LRRC37A2: variants seen among roughly 807,000 people sequenced by gnomAD.
LRRC37A2 encodes leucine-rich repeat-containing protein 37A2.
A neutral mutation model predicts 68.8 loss-of-function variants in LRRC37A2; 9 were observed. The ratio of observed to expected loss-of-function variants is 0.13; its 90% CI spans 0.08 to 0.23. The LOEUF (loss-of-function observed/expected upper bound fraction) is 0.23, where lower values mean the gene tolerates loss of function less well. Among genes scored for constraint, LRRC37A2 ranks in the 10% least tolerant of loss-of-function variants. The probability of loss-of-function intolerance (pLI) is 1.00; values close to 1 mark genes in which losing one functional copy is unlikely to be tolerated. For synonymous variants in LRRC37A2, 63 were observed against 367.6 expected, an observed-to-expected ratio of 0.17 and a Z score of 9.48; for missense variants, 168 against 950.4, an observed-to-expected ratio of 0.18 and a Z score of 10.82.
At chr17:46,842,115 C>G in the LRRC37A2 span, among the ~76,000 whole-genome samples, 2 of 152,334 alleles carry the variant, frequency 1.3e-5, no homozygotes, top group South Asian at 4.1e-4. Context: ...CTCACACCGC[C>G]CCTTCCCACT....
chr17:46,818,873 C>T, the LRRC37A2 span: 2 of 518,536 alleles, frequency 3.9e-6, no homozygotes, highest in Non-Finnish European at 6.9e-6. Flanking sequence ...GCCCACAACT[C>T]GGGCTCCGGG....
Position 46,526,599 on chromosome 17 carries a change from T to C in LRRC37A2, c.2906+2715T>C, listed in dbSNP as rs989728196. 1.2e-4 allele frequency among the ~76,000 whole-genome samples: 13 copies of C among 104,340 alleles called. 2 individuals carry two copies. The highest frequency in any genetic ancestry group is 4.4e-4 in the African/African-American group (12 of 27,254). 68.5% of individuals were successfully genotyped at this position (104,340 alleles called of 152,430 possible). A position where few individuals can be genotyped will look rare whatever the true frequency, so the allele number is the denominator to read the frequency against. On this transcript the variant is annotated intron_variant, in intron 6 of 14. Transcript: ENST00000576629. ...GTTCCAATAGTTACAACCCAGTAAA[T>C]CTCTTGAATGAAGCCTCTATGTTAT...
At chr17:46,795,778 T>G in the LRRC37A2 span, among the ~76,000 whole-genome samples, 1 of 152,188 alleles carries the variant, frequency 6.6e-6, no homozygotes, top group Non-Finnish European at 1.5e-5. Context: ...TGGTCTGTCA[T>G]GAAGGTGCTA....
the LRRC37A2 span, among the ~76,000 whole-genome samples, chr17:46,492,579 A>G: frequency 1.3e-5 from 2 of 149,798 alleles, no homozygotes; most frequent in East Asian, 3.9e-4. Flanking sequence ...AACTGCCAAA[A>G]CTGTTTTCCA....
At chr17:47,009,452 C>T in the LRRC37A2 span, among the ~76,000 whole-genome samples, 5 of 152,320 alleles carry the variant, frequency 3.3e-5, no homozygotes, top group East Asian at 3.9e-4. Context: ...TTTGTCATAG[C>T]TGGGGAGCTG....
the LRRC37A2 span, chr17:46,756,663 A>G: frequency 6.5e-6 from 1 of 152,672 alleles, no homozygotes; most frequent in Non-Finnish European, 1.5e-5. Context: ...AAGTGGGTCA[A>G]TTCCTTAGTA....
the LRRC37A2 span, among the ~76,000 whole-genome samples, chr17:46,770,977 C>G: frequency 2.0e-5 from 3 of 152,256 alleles, no homozygotes; most frequent in African/African-American, 7.2e-5. Context: ...CTGACACAGG[C>G]TGTGAAACGC....
At chr17:46,865,505 C>T in the LRRC37A2 span, among the ~76,000 whole-genome samples, 2 of 151,944 alleles carry the variant, frequency 1.3e-5, no homozygotes, top group African/African-American at 2.4e-5. Context: ...AGGGTGAGAG[C>T]TGGGTAGGGA....
the LRRC37A2 span, chr17:46,885,317 T>C: frequency 3.9e-6 from 1 of 254,070 alleles, no homozygotes; most frequent in African/African-American, 2.4e-5. Context: ...GCATTTTTTT[T>C]TTTGAGACAG....
At chr17:46,892,874 G>C in the LRRC37A2 span, among the ~76,000 whole-genome samples, 4,866 of 152,200 alleles carry the variant, frequency 0.032, 89 homozygotes, top group Middle Eastern at 0.066. Flanking sequence ...CACTGTGTAA[G>C]TGTCTGTTGA....
the LRRC37A2 span, among the ~76,000 whole-genome samples, chr17:46,807,220 C>T: frequency 9.2e-5 from 14 of 152,362 alleles, no homozygotes; most frequent in Non-Finnish European, 1.6e-4. Flanking sequence ...TGGTGGCTTA[C>T]GCCTGTCATC....
At chr17:46,454,239 A>T in the LRRC37A2 span, among the ~76,000 whole-genome samples, 53 of 105,084 alleles carry the variant, frequency 5.0e-4, 18 homozygotes, top group African/African-American at 1.8e-3. Context: ...AGCACAGTCC[A>T]TAAATTAAGA....
chr17:46,771,368 G>A, the LRRC37A2 span, among the ~76,000 whole-genome samples: 10 of 151,854 alleles, frequency 6.6e-5, no homozygotes, highest in African/African-American at 2.4e-4. Flanking sequence ...GGGGCGCCTC[G>A]GGGAAGAGGG....
chr17:46,796,136 C>T, the LRRC37A2 span, among the ~76,000 whole-genome samples: 1 of 152,204 alleles, frequency 6.6e-6, no homozygotes, highest in Admixed American at 6.5e-5. Flanking sequence ...GATCTTATTG[C>T]TACCACCCAT....
At chr17:46,961,175 A>T in the LRRC37A2 span, among the ~76,000 whole-genome samples, 1 of 152,290 alleles carries the variant, frequency 6.6e-6, no homozygotes, top group South Asian at 2.1e-4. Flanking sequence ...TGGAACAAGG[A>T]TGCTTTTAAA....
chr17:46,929,268 G>A, the LRRC37A2 span, among the ~76,000 whole-genome samples: 1 of 152,126 alleles, frequency 6.6e-6, no homozygotes, highest in Non-Finnish European at 1.5e-5. Context: ...TTCCTCATAG[G>A]GTTATTGATT....
At chr17:46,804,262 A>G in the LRRC37A2 span, among the ~76,000 whole-genome samples, 16 of 151,594 alleles carry the variant, frequency 1.1e-4, no homozygotes, top group Non-Finnish European at 2.1e-4. Context: ...TAATTTTTGT[A>G]TTTTTAGTAG....
chr17:46,943,984 C>T, the LRRC37A2 span, among the ~76,000 whole-genome samples: 3 of 152,138 alleles, frequency 2.0e-5, no homozygotes, highest in Non-Finnish European at 4.4e-5. Flanking sequence ...AGGGGGCTCT[C>T]GGAGGCTGAC....
At chr17:46,605,925 G>A in the LRRC37A2 span, among the ~76,000 whole-genome samples, 2 of 51,370 alleles carry the variant, frequency 3.9e-5, no homozygotes, top group African/African-American at 1.1e-4. Flanking sequence ...TGAGGTGGGC[G>A]GATCACCTGA....
Sources: allele counts gnomAD v4.1 joint callset (sites outside exome capture counted in the v4.1 genomes callset), GRCh38; gene constraint gnomAD v4.1.1; transcripts MANE v1.5; gene names NCBI Gene and HGNC (gene_info 2026-07-23, HGNC 2026-07-21).